Variants in CELF2 observed in about 807,000 individuals in gnomAD.
CELF2 encodes the protein CUG triplet repeat RNA-binding protein 2.
Under a neutral mutation model 62.6 loss-of-function variants are expected in CELF2, and 8 were observed. The observed-to-expected ratio is 0.13, with a 90% CI of 0.07 to 0.23. The LOEUF (loss-of-function observed/expected upper bound fraction) is 0.23. Ranked by LOEUF, CELF2 falls within the 10% of genes least tolerant of loss-of-function variation. CELF2 has a pLI of 1.00. For synonymous variants in CELF2, 258 were observed against 250.0 expected (o/e 1.03, Z -0.30); for missense variants, 333 against 671.0 (o/e 0.50, Z 5.56).
At chr10:10,728,522 A>G in the CELF2 span, among the ~76,000 whole-genome samples, 1 of 151,622 alleles carries the variant, frequency 6.6e-6, no homozygotes, top group Non-Finnish European at 1.5e-5. Flanking sequence ...GAAAGCACCC[A>G]GGAAGGCCTG....
intron 2 of CELF2, among the ~76,000 whole-genome samples, chr10:11,212,606 C>T (rs983216083): frequency 6.6e-6 from 1 of 152,152 alleles, no homozygotes; most frequent in East Asian, 1.9e-4. Context: ...ATATTTGGTT[C>T]TGGGCTCACC....
the CELF2 span, among the ~76,000 whole-genome samples, chr10:10,615,276 C>G: frequency 2.0e-5 from 3 of 152,088 alleles, no homozygotes; most frequent in Non-Finnish European, 2.9e-5. Flanking sequence ...AAATTTGTCA[C>G]TGCAAAATCA....
chr10:10,466,590 G>A, the CELF2 span, among the ~76,000 whole-genome samples: 1 of 152,092 alleles, frequency 6.6e-6, no homozygotes, highest in Admixed American at 6.6e-5. Flanking sequence ...TGGATCATAT[G>A]GTAGAGATAT....
At chr10:11,326,108 G>C (rs1427661709) in intron 12 of CELF2, 129 bp downstream of exon 12, 6 of 954,704 alleles carry the variant, frequency 6.3e-6, no homozygotes, top group Admixed American at 2.6e-5. Flanking sequence ...TGATTTTCTG[G>C]ATCCTTGTAA....
intron 2 of CELF2, among the ~76,000 whole-genome samples, chr10:10,921,112 GC>G (rs2064860586): frequency 6.6e-6 from 1 of 151,780 alleles, no homozygotes; most frequent in African/African-American, 2.4e-5. Flanking sequence ...CTGCCACCAT[GC>G]CCGGCTAATT....
At chr10:10,570,147 T>C in the CELF2 span, among the ~76,000 whole-genome samples, 2 of 152,098 alleles carry the variant, frequency 1.3e-5, no homozygotes, top group African/African-American at 2.4e-5. Flanking sequence ...TAGGGAGCTG[T>C]GGGTCTACAA....
intron 1 of CELF2, among the ~76,000 whole-genome samples, chr10:10,913,499 T>C (rs2064004017): frequency 7.1e-6 from 1 of 141,752 alleles, no homozygotes; most frequent in African/African-American, 2.7e-5. Flanking sequence ...CAAGCGATTC[T>C]CCTGCCTCAG....
chr10:11,015,027 C>T (rs1468292891), upstream of CELF2, among the ~76,000 whole-genome samples: 1 of 152,166 alleles, frequency 6.6e-6, no homozygotes, highest in Non-Finnish European at 1.5e-5. This position sits in a 1 kb window ranked among gnomAD's most constrained non-coding sequence, Gnocchi z 4.8. Context: ...CTGATGGCGT[C>T]GTCCCCTCCA....
intron 1 of CELF2, among the ~76,000 whole-genome samples, chr10:10,870,979 C>A (rs1039460328): frequency 1.3e-5 from 2 of 152,188 alleles, no homozygotes; most frequent in Non-Finnish European, 2.9e-5. Context: ...CTCCCACCCC[C>A]ACCCCGCAAC....
At chr10:10,847,039 C>G (rs2059060100) in intron 1 of CELF2, among the ~76,000 whole-genome samples, 1 of 152,038 alleles carries the variant, frequency 6.6e-6, no homozygotes, top group Non-Finnish European at 1.5e-5. Flanking sequence ...TTTGATAGAG[C>G]TAAGCCCATT....
intron 3 of CELF2, among the ~76,000 whole-genome samples, chr10:11,228,718 C>CAAAAAAAA (rs56167230): frequency 1.1e-4 from 15 of 135,172 alleles, no homozygotes; most frequent in African/African-American, 4.0e-4. Context: ...GCGCCCCTCG[C>CAAAAAAAA]AAAAAAAAAA....
the CELF2 span, among the ~76,000 whole-genome samples, chr10:10,588,507 C>A: frequency 6.6e-6 from 1 of 152,104 alleles, no homozygotes; most frequent in African/African-American, 2.4e-5. Flanking sequence ...CCAGAAGCCT[C>A]TGGTGGCACT....
chr10:10,568,428 T>C, the CELF2 span, among the ~76,000 whole-genome samples: 1 of 152,212 alleles, frequency 6.6e-6, no homozygotes, highest in Non-Finnish European at 1.5e-5. Context: ...ACCTCTTGGT[T>C]GCTTATCACC....
chr10:10,551,656 C>T, the CELF2 span, among the ~76,000 whole-genome samples: 1 of 152,202 alleles, frequency 6.6e-6, no homozygotes, highest in Non-Finnish European at 1.5e-5. Context: ...CCACTCTGCG[C>T]ATGCCCACTA....
the CELF2 span, among the ~76,000 whole-genome samples, chr10:10,505,411 A>T: frequency 6.6e-6 from 1 of 151,876 alleles, no homozygotes; most frequent in Non-Finnish European, 1.5e-5. Context: ...GAAAGTTCTG[A>T]CTCTCCACCA....
chr10:10,688,846 A>T, the CELF2 span, among the ~76,000 whole-genome samples: 1 of 150,094 alleles, frequency 6.7e-6, no homozygotes, highest in Non-Finnish European at 1.5e-5. Context: ...CCAAAAAAAA[A>T]TTAATTAATT....
At chr10:10,488,848 C>T in the CELF2 span, among the ~76,000 whole-genome samples, 3 of 151,854 alleles carry the variant, frequency 2.0e-5, no homozygotes, top group African/African-American at 7.3e-5. Flanking sequence ...TTTGAAAAAC[C>T]GTATAACCAA....
chr10:11,140,905 T>C (rs1005454991), intron 1 of CELF2, among the ~76,000 whole-genome samples: 10 of 152,174 alleles, frequency 6.6e-5, no homozygotes, highest in Non-Finnish European at 1.3e-4. Context: ...TATTCCCAGT[T>C]ACTTGGGAGG....
At chr10:10,478,381 A>AG in the CELF2 span, among the ~76,000 whole-genome samples, 5 of 152,196 alleles carry the variant, frequency 3.3e-5, no homozygotes, top group Non-Finnish European at 5.9e-5. Flanking sequence ...GCCGATTGAT[A>AG]TTCAAACAAA....
Sources: gnomAD v4.1 joint callset for allele counts (sites outside exome capture counted in the v4.1 genomes callset) on GRCh38, gnomAD v4.1.1 for gene constraint, Gnocchi (gnomAD v3.1) non-coding constraint, MANE v1.5 for transcripts, NCBI Gene and HGNC (gene_info 2026-07-23, HGNC 2026-07-21) for gene names.